Variants in ST6GAL1 observed in about 807,000 individuals in gnomAD.
ST6GAL1 encodes the protein beta-galactoside alpha-2,6-sialyltransferase 1.
ST6GAL1 carries 20 observed loss-of-function variants against 38.0 expected under a neutral mutation model. That is an observed-to-expected ratio of 0.53 (90% CI 0.37 to 0.77). The LOEUF (loss-of-function observed/expected upper bound fraction) is 0.77. Among genes scored for constraint, ST6GAL1 ranks in the 30% least tolerant of loss-of-function variants. ST6GAL1 has a pLI of 0.00. For missense variants in ST6GAL1, 432 were observed against 496.4 expected (o/e 0.87, Z 1.23); for synonymous variants, 196 against 188.2 (o/e 1.04, Z -0.34).
intron 2 of ST6GAL1, among the ~76,000 whole-genome samples, chr3:186,984,444 C>T (rs1715796393): frequency 2.0e-5 from 3 of 152,270 alleles, no homozygotes; most frequent in Non-Finnish European, 4.4e-5. Context: ...GCCCAGACTC[C>T]TCCACCTCCC....
chr3:187,075,981 C>T lies in ST6GAL1; in HGVS notation c.*178C>T. Reference sequence around the variant, plus strand: ...GGTCAGGAAATCAGGTCCAGCCTTCCCTGTAGCCAGACAGTTTATGAGCCC... The same window carrying T: ...GGTCAGGAAATCAGGTCCAGCCTTCTCTGTAGCCAGACAGTTTATGAGCCC... On this transcript the variant is annotated 3_prime_UTR_variant, in exon 8 of 8. Coordinates refer to ENST00000169298, the MANE Select transcript of ST6GAL1 (RefSeq NM_173216.2). This position sits in a 1 kb window ranked among gnomAD's most constrained non-coding sequence, Gnocchi z 4.1. The T allele has an allele frequency of 1.1e-6, 1 of 918,582 alleles. No homozygotes were observed. Among genetic ancestry groups the T allele is most frequent in the Non-Finnish European group, 1.6e-6 (1 of 630,244 alleles). 56.9% of individuals were successfully genotyped at this position (918,582 alleles called of 1,614,324 possible). A position where few individuals can be genotyped will look rare whatever the true frequency, so the allele number is the denominator to read the frequency against.
intron 2 of ST6GAL1, among the ~76,000 whole-genome samples, chr3:187,035,831 GGACATCAACCTTGGGAA>G (rs1479733739): frequency 0.029 from 1,506 of 51,498 alleles, 31 homozygotes; most frequent in African/African-American, 0.16. Flanking sequence ...ACACCATTCT[GGACATCAACCTTGGGAA>G]AGGATTTATG....
chr3:187,011,854 T>G (rs1310158188), intron 2 of ST6GAL1, among the ~76,000 whole-genome samples: 2 of 152,198 alleles, frequency 1.3e-5, no homozygotes, highest in Non-Finnish European at 2.9e-5. Flanking sequence ...CTAATTCAAA[T>G]TGCTAATGGT....
intron 1 of ST6GAL1, among the ~76,000 whole-genome samples, chr3:186,940,927 G>T (rs1206789260): frequency 6.6e-6 from 1 of 152,098 alleles, no homozygotes; most frequent in African/African-American, 2.4e-5. Context: ...TGGAGAGATG[G>T]TTGTAAATGT....
At chr3:187,033,589 T>TA (rs1717828710) in intron 2 of ST6GAL1, among the ~76,000 whole-genome samples, 2 of 152,184 alleles carry the variant, frequency 1.3e-5, no homozygotes, top group Admixed American at 6.5e-5. Flanking sequence ...CTTTTTTCAT[T>TA]TTAAGATTTT....
intron 2 of ST6GAL1, among the ~76,000 whole-genome samples, chr3:186,981,438 G>A (rs1278190142): frequency 6.6e-6 from 1 of 152,096 alleles, no homozygotes; most frequent in Non-Finnish European, 1.5e-5. Context: ...TTTAACAGAG[G>A]GATGGCAGAG....
chr3:186,990,883 G>GT (rs1375135260), intron 2 of ST6GAL1, among the ~76,000 whole-genome samples: 1 of 151,472 alleles, frequency 6.6e-6, no homozygotes, highest in Non-Finnish European at 1.5e-5. Flanking sequence ...CTAGATGCTT[G>GT]TTCCAGTAAG....
chr3:187,071,925 C>A (rs939305382), intron 5 of ST6GAL1: 7 of 152,010 alleles, frequency 4.6e-5, no homozygotes, highest in African/African-American at 1.7e-4. Flanking sequence ...AAATACTTTT[C>A]TTTATTTTGA....
chr3:187,018,288 A>G (rs1717185912), intron 2 of ST6GAL1, among the ~76,000 whole-genome samples: 1 of 152,086 alleles, frequency 6.6e-6, no homozygotes, highest in Admixed American at 6.6e-5. Flanking sequence ...TGGTTTTTCT[A>G]AGCACCCTTC....
chr3:187,052,271 T>G (rs976364244), intron 5 of ST6GAL1, among the ~76,000 whole-genome samples: 4 of 152,162 alleles, frequency 2.6e-5, no homozygotes, highest in African/African-American at 7.2e-5. Flanking sequence ...TAGCCCACTT[T>G]CTATTTGAAG....
At position 187,076,554 on chromosome 3, in the gene ST6GAL1, T is replaced by G; in HGVS notation, c.*751T>G. 1 of 321,462 alleles carries G rather than the reference T, an allele frequency of 3.1e-6. No homozygotes were observed. Among genetic ancestry groups the G allele is most frequent in the Non-Finnish European group, 5.6e-6 (1 of 178,358 alleles). 19.9% of individuals were successfully genotyped at this position (321,462 alleles called of 1,614,324 possible). A position where few individuals can be genotyped will look rare whatever the true frequency, so the allele number is the denominator to read the frequency against. ...TTCAGTGTGCTCAGTGCACTGGGGA[T>G]TTGGAGAGAGATGGGCTTGCTCTCT... On this transcript the variant is annotated 3_prime_UTR_variant, in exon 8 of 8. Transcript: ENST00000169298.
At chr3:186,941,872 C>T (rs1273895936) in intron 1 of ST6GAL1, among the ~76,000 whole-genome samples, 1 of 152,020 alleles carries the variant, frequency 6.6e-6, no homozygotes, top group Non-Finnish European at 1.5e-5. Flanking sequence ...ATTAGCCCGG[C>T]GTGGTTGTGG....
At chr3:187,013,296 C>G (rs751750058) in intron 2 of ST6GAL1, among the ~76,000 whole-genome samples, 1 of 152,192 alleles carries the variant, frequency 6.6e-6, no homozygotes, top group African/African-American at 2.4e-5. Flanking sequence ...TCTATTACTT[C>G]CCCTGTGCTT....
intron 1 of ST6GAL1, among the ~76,000 whole-genome samples, chr3:186,960,778 T>G (rs1201945242): frequency 6.6e-6 from 1 of 151,870 alleles, no homozygotes; most frequent in Admixed American, 6.6e-5. Flanking sequence ...TTTTTTTAAA[T>G]TTTTTAAATC....
At chr3:186,963,732 G>A (rs762922464) in intron 1 of ST6GAL1, 53 bp from the exon 2 acceptor site, 4 of 152,278 alleles carry the variant, frequency 2.6e-5, no homozygotes, top group South Asian at 2.1e-4. Flanking sequence ...ATGTATTAAC[G>A]TATGTGCTTC....
chr3:187,031,795 C>G (rs1399692637), intron 2 of ST6GAL1, among the ~76,000 whole-genome samples: 1 of 152,144 alleles, frequency 6.6e-6, no homozygotes, highest in Non-Finnish European at 1.5e-5. Context: ...GTTATTATTA[C>G]TATTTCTATT....
intron 2 of ST6GAL1, among the ~76,000 whole-genome samples, chr3:186,971,157 T>C (rs1715334116): frequency 6.6e-6 from 1 of 152,242 alleles, no homozygotes; most frequent in African/African-American, 2.4e-5. Flanking sequence ...GGTGCTATCT[T>C]GGCTCACTGC....
At chr3:186,940,388 G>T (rs1714125797) in intron 1 of ST6GAL1, among the ~76,000 whole-genome samples, 1 of 152,066 alleles carries the variant, frequency 6.6e-6, no homozygotes, top group Admixed American at 6.5e-5. Context: ...ACTGTTTGCA[G>T]TTTGATGTCT....
intron 5 of ST6GAL1, among the ~76,000 whole-genome samples, chr3:187,058,042 G>A (rs905282493): frequency 5.3e-5 from 8 of 152,180 alleles, no homozygotes; most frequent in Admixed American, 3.9e-4. Flanking sequence ...CTTGCAGGTC[G>A]ATCTCAGACT....
Sources: allele counts gnomAD v4.1 joint callset (sites outside exome capture counted in the v4.1 genomes callset), GRCh38; gene constraint gnomAD v4.1.1; non-coding constraint Gnocchi (gnomAD v3.1); transcripts MANE v1.5; gene names NCBI Gene and HGNC (gene_info 2026-07-23, HGNC 2026-07-21).